Variants in NDST3 observed in about 807,000 individuals in gnomAD.
NDST3 encodes the protein N-deacetylase and N-sulfotransferase 3.
Under a neutral mutation model 96.1 loss-of-function variants are expected in NDST3, and 58 were observed. That is an observed-to-expected ratio of 0.60 (90% CI 0.49 to 0.75). The LOEUF is 0.75. NDST3 is among the 30% of genes least tolerant of loss of function. The probability of loss-of-function intolerance (pLI) is 0.00; values close to 1 mark genes in which losing one functional copy is unlikely to be tolerated. For missense variants in NDST3, 788 were observed against 1,034.2 expected (o/e 0.76, Z 3.27); for synonymous variants, 333 against 359.7 (o/e 0.93, Z 0.84).
intron 2 of NDST3, among the ~76,000 whole-genome samples, chr4:118,090,192 A>G (rs1728752101): frequency 6.6e-6 from 1 of 151,986 alleles, no homozygotes. Context: ...TAACTAGCAC[A>G]TTCCTGCTGA....
At chr4:118,213,759 T>C (rs1738998002) in intron 6 of NDST3, among the ~76,000 whole-genome samples, 2 of 150,564 alleles carry the variant, frequency 1.3e-5, no homozygotes, top group Non-Finnish European at 3.0e-5. Context: ...ATCCTATATA[T>C]AAGATTTTTA....
chr4:118,045,062 C>T (rs1724685841), intron 1 of NDST3, among the ~76,000 whole-genome samples: 1 of 152,154 alleles, frequency 6.6e-6, no homozygotes, highest in African/African-American at 2.4e-5. Context: ...TCTGTACTCT[C>T]AAGTCTTAGC....
At chr4:118,049,731 A>AT (rs1264205983) in intron 1 of NDST3, among the ~76,000 whole-genome samples, 2 of 149,804 alleles carry the variant, frequency 1.3e-5, no homozygotes, top group African/African-American at 4.9e-5. Context: ...AGTAATAATA[A>AT]TAAAAAAAAA....
chr4:118,184,102 C>A (rs2125955138), intron 6 of NDST3, among the ~76,000 whole-genome samples: 1 of 152,282 alleles, frequency 6.6e-6, no homozygotes, highest in African/African-American at 2.4e-5. Flanking sequence ...TGTCAAAAAA[C>A]TAGATGTAAG....
At chr4:118,215,889 GA>G (rs1289432058) in intron 6 of NDST3, among the ~76,000 whole-genome samples, 1 of 152,088 alleles carries the variant, frequency 6.6e-6, no homozygotes, top group Non-Finnish European at 1.5e-5. Context: ...AGGGAGAGTG[GA>G]AACTGAACAG....
intron 6 of NDST3, 93 bp downstream of exon 6, chr4:118,143,777 C>A: frequency 3.7e-6 from 5 of 1,346,282 alleles, no homozygotes; most frequent in Non-Finnish European, 5.0e-6. Context: ...CAGTCATCAG[C>A]CAAGCCAATA....
At chr4:118,102,205 CTA>C (rs1729820211) in intron 2 of NDST3, among the ~76,000 whole-genome samples, 1 of 151,612 alleles carries the variant, frequency 6.6e-6, no homozygotes, top group Admixed American at 6.6e-5. Context: ...AATTACCTTC[CTA>C]TATATAGTAC....
intron 1 of NDST3, among the ~76,000 whole-genome samples, chr4:118,039,013 C>A (rs1398113423): frequency 6.6e-6 from 1 of 152,194 alleles, no homozygotes; most frequent in East Asian, 1.9e-4. Flanking sequence ...ATATTGAGTT[C>A]TTTCACTATG....
At chr4:118,216,612 C>A (rs921182274) in intron 6 of NDST3, among the ~76,000 whole-genome samples, 3 of 151,802 alleles carry the variant, frequency 2.0e-5, no homozygotes, top group Non-Finnish European at 2.9e-5. Context: ...ACTGTACAGG[C>A]CAAAGGCAAA....
chr4:118,244,103 T>C (rs553602903), intron 12 of NDST3, among the ~76,000 whole-genome samples: 13 of 152,324 alleles, frequency 8.5e-5, no homozygotes, highest in Middle Eastern at 6.8e-3. Context: ...ATACTGTGTT[T>C]CCATTCCATT....
At chr4:118,175,605 C>A (rs1363893496) in intron 6 of NDST3, among the ~76,000 whole-genome samples, 1 of 152,054 alleles carries the variant, frequency 6.6e-6, no homozygotes. Flanking sequence ...TTACACCTAC[C>A]CTCTCTTATC....
intron 2 of NDST3, among the ~76,000 whole-genome samples, chr4:118,101,258 A>C (rs1192583365): frequency 2.0e-5 from 3 of 151,964 alleles, no homozygotes; most frequent in African/African-American, 7.2e-5. Flanking sequence ...TTCAAAGGCT[A>C]TCATTTTGCT....
At position 118,255,833 on chromosome 4, in the gene NDST3, C is replaced by A. The variant is rs1742087077; in HGVS notation, c.*121C>A. 10 of 1,154,772 alleles carry A rather than the reference C, an allele frequency of 8.7e-6. No individual in the cohort carries two copies. The highest frequency in any genetic ancestry group is 1.1e-5 in the Non-Finnish European group (9 of 844,808). The allele number at this position is 1,154,772 out of a possible 1,614,324, so 71.5% of individuals were successfully genotyped here. On this transcript the variant is annotated 3_prime_UTR_variant, in exon 14 of 14. Transcript: ENST00000296499. ...TTCAAATGAGAAAAAAGAACAGTTTCTTCCATGTGCTGGCACGTGGATGAT... is the reference window on the plus strand; with the variant it reads ...TTCAAATGAGAAAAAAGAACAGTTTATTCCATGTGCTGGCACGTGGATGAT...
At chr4:118,079,210 G>A (rs1038771804) in intron 2 of NDST3, among the ~76,000 whole-genome samples, 2 of 152,078 alleles carry the variant, frequency 1.3e-5, no homozygotes, top group African/African-American at 4.8e-5. Flanking sequence ...CCTCTAATGA[G>A]AGGAAAAAGA....
chr4:118,237,380 G>C (rs1996725), intron 10 of NDST3, among the ~76,000 whole-genome samples, 160 bp downstream of exon 10: 17,319 of 152,040 alleles, frequency 0.11, 1,329 homozygotes, highest in South Asian at 0.19. Flanking sequence ...TTTCTATTGA[G>C]AAATTTCCTC....
rs59636133 is a variant in NDST3 at position 118,111,742 on chromosome 4, T to A, written c.1070-3064T>A. On this transcript the variant is annotated intron_variant, in intron 3 of 13. Transcript: ENST00000296499. ...TTTTAGTAGAGATGGGATTTCACCATCCCATCTGAACTGAGATAAATATGT... is the reference window on the plus strand; with the variant it reads ...TTTTAGTAGAGATGGGATTTCACCAACCCATCTGAACTGAGATAAATATGT... Among the ~76,000 whole-genome samples, 644 of 152,190 alleles carry A rather than the reference T, an allele frequency of 4.2e-3. 25 individuals carry two copies. In the East Asian group the frequency reaches 0.1, roughly 24 times the overall value.
At chr4:118,181,856 A>C (rs1211101140) in intron 6 of NDST3, among the ~76,000 whole-genome samples, 1 of 152,174 alleles carries the variant, frequency 6.6e-6, no homozygotes, top group African/African-American at 2.4e-5. Context: ...CTATAAGGCA[A>C]TTTGAAACTC....
chr4:118,037,951 ATCT>A (rs1161129668), intron 1 of NDST3, among the ~76,000 whole-genome samples: 1 of 152,088 alleles, frequency 6.6e-6, no homozygotes, highest in Non-Finnish European at 1.5e-5. Context: ...TTTTTGCATC[ATCT>A]TCTCTCTGCA....
chr4:118,213,535 T>C (rs1201236041), intron 6 of NDST3, among the ~76,000 whole-genome samples: 1 of 151,988 alleles, frequency 6.6e-6, no homozygotes, highest in East Asian at 1.9e-4. Context: ...ACTAAGGACA[T>C]TGTGATAATT....
Sources: gnomAD v4.1 joint callset for allele counts (sites outside exome capture counted in the v4.1 genomes callset) on GRCh38, gnomAD v4.1.1 for gene constraint, MANE v1.5 for transcripts, NCBI Gene and HGNC (gene_info 2026-07-23, HGNC 2026-07-21) for gene names.